SLIT3: variants seen among roughly 807,000 people sequenced by gnomAD.
SLIT3 encodes the protein slit homolog 3 protein.
SLIT3 carries 68 observed loss-of-function variants against 184.0 expected under a neutral mutation model. The ratio of observed to expected loss-of-function variants is 0.37; its 90% CI spans 0.30 to 0.45. The LOEUF is 0.45. SLIT3 is among the 20% of genes least tolerant of loss of function. The pLI, the probability that SLIT3 is intolerant of heterozygous loss-of-function variation, is 1.00. For missense variants in SLIT3, 1,707 were observed against 2,026.0 expected (o/e 0.84, Z 3.02); for synonymous variants, 831 against 828.6 (o/e 1.00, Z -0.05).
chr5:169,137,351 G>GAC (rs1761555747), intron 4 of SLIT3, among the ~76,000 whole-genome samples: 1 of 151,684 alleles, frequency 6.6e-6, no homozygotes, highest in African/African-American at 2.4e-5. Context: ...GAGAGAGAGA[G>GAC]AGAGAAACAG....
intron 4 of SLIT3, among the ~76,000 whole-genome samples, chr5:169,042,215 C>A (rs1581343510): frequency 6.6e-6 from 1 of 152,136 alleles, no homozygotes; most frequent in African/African-American, 2.4e-5. Context: ...TACCTTCATA[C>A]AGAAACACTT....
intron 1 of SLIT3, among the ~76,000 whole-genome samples, chr5:169,265,947 C>T (rs1379879798): frequency 6.6e-6 from 1 of 152,212 alleles, no homozygotes; most frequent in Non-Finnish European, 1.5e-5. Flanking sequence ...AGAGACAGTG[C>T]TTCCTTCCTG....
At chr5:168,877,876 T>A (rs1759793564) in intron 5 of SLIT3, among the ~76,000 whole-genome samples, 2 of 151,770 alleles carry the variant, frequency 1.3e-5, no homozygotes, top group African/African-American at 4.8e-5. Context: ...AAAAAAACAA[T>A]CCCTACTGGT....
intron 5 of SLIT3, among the ~76,000 whole-genome samples, chr5:168,851,055 G>GCACCT (rs1474950310): frequency 3.9e-5 from 6 of 152,174 alleles, no homozygotes; most frequent in African/African-American, 1.4e-4. Flanking sequence ...CAGGTGCAGC[G>GCACCT]GTTCACGCCT....
chr5:169,016,207 T>C (rs1486293820), intron 4 of SLIT3, among the ~76,000 whole-genome samples: 1 of 152,148 alleles, frequency 6.6e-6, no homozygotes, highest in East Asian at 1.9e-4. Context: ...TGTTGAGTGC[T>C]GAGTAAGAAA....
At chr5:169,137,011 C>T (rs1761527747) in intron 4 of SLIT3, among the ~76,000 whole-genome samples, 2 of 152,108 alleles carry the variant, frequency 1.3e-5, no homozygotes, top group African/African-American at 2.4e-5. Flanking sequence ...AGTGAGCCAC[C>T]ACACCTGGCC....
At chr5:168,890,577 A>G (rs1238408325) in intron 4 of SLIT3, among the ~76,000 whole-genome samples, 1 of 152,178 alleles carries the variant, frequency 6.6e-6, no homozygotes, top group African/African-American at 2.4e-5. Flanking sequence ...AATTGTGGTT[A>G]TGTTTTCTTT....
At chr5:168,716,154 T>G (rs954813855) in intron 23 of SLIT3, among the ~76,000 whole-genome samples, 20 of 152,052 alleles carry the variant, frequency 1.3e-4, no homozygotes, top group Admixed American at 6.6e-4. Flanking sequence ...TTTTTTAAAT[T>G]TTAGTAGAGA....
chr5:169,106,351 G>A (rs998205878), intron 4 of SLIT3, among the ~76,000 whole-genome samples: 1 of 152,152 alleles, frequency 6.6e-6, no homozygotes, highest in African/African-American at 2.4e-5. Flanking sequence ...CTGTTAAATA[G>A]TATGAGTGGC....
At chr5:169,125,003 T>C (rs986967537) in intron 4 of SLIT3, among the ~76,000 whole-genome samples, 1 of 152,144 alleles carries the variant, frequency 6.6e-6, no homozygotes, top group African/African-American at 2.4e-5. Flanking sequence ...CTGTTTTTAT[T>C]TTTTGTTTTT....
intron 4 of SLIT3, chr5:168,994,306 A>T (rs532046165): frequency 5.9e-5 from 9 of 152,176 alleles, no homozygotes; most frequent in Non-Finnish European, 1.3e-4. Flanking sequence ...TCTGGGGTTT[A>T]CTGAGAATCA....
In SLIT3 at chr5:168,806,463, C is replaced by T. The variant is rs147887398; in HGVS notation, c.918G>A (p.Pro306=). The change falls in exon 9 of 36, where the codon CCG becomes CCA. Residue 306 remains proline (P), a synonymous_variant. Transcript: ENST00000519560. ...GCACTTACATTTCGACGATGCCCTC[C>T]GGCAAGTTGGCAGGAATCTCCATCA... ...KGLMEIPANL[P]EGIVEIRLEQ... 6.6e-5 allele frequency: 106 copies of T among 1,614,188 alleles called. No homozygotes were observed. In the East Asian group the frequency reaches 6.7e-4, roughly 10 times the overall value.
In SLIT3 at chr5:169,152,257, T is replaced by C. The variant is rs181568170; in HGVS notation, c.413+41222A>G. 7.3e-3 allele frequency among the ~76,000 whole-genome samples: 1,113 copies of C among 152,240 alleles called. 12 individuals carry two copies. Among genetic ancestry groups the C allele is most frequent in the Middle Eastern group, 0.027 (8 of 294 alleles). ...GAGCAAATTCAACTATGTGCATTTC[T>C]CACAAAGAAGAAAGAGAAAGTCAAC... On this transcript the variant is annotated intron_variant, in intron 4 of 35. Coordinates refer to ENST00000519560, the MANE Select transcript of SLIT3 (RefSeq NM_003062.4).
At chr5:169,298,190 C>T (rs959783615) in intron 1 of SLIT3, among the ~76,000 whole-genome samples, 8 of 152,132 alleles carry the variant, frequency 5.3e-5, no homozygotes, top group Admixed American at 4.6e-4. Context: ...CACCCCCATG[C>T]ACCCTGGCCA....
intron 4 of SLIT3, among the ~76,000 whole-genome samples, chr5:169,179,432 G>A (rs1254292188): frequency 2.0e-5 from 3 of 152,138 alleles, no homozygotes; most frequent in African/African-American, 7.2e-5. Flanking sequence ...GCCTAGAGAT[G>A]AAGCCAACAC....
At chr5:169,007,512 T>C (rs772414553) in intron 4 of SLIT3, among the ~76,000 whole-genome samples, 2 of 152,224 alleles carry the variant, frequency 1.3e-5, no homozygotes, top group East Asian at 3.9e-4. Flanking sequence ...GTTGAAAGTG[T>C]CTAGGAATCT....
At chr5:168,947,138 TAC>T (rs141683153) in intron 4 of SLIT3, among the ~76,000 whole-genome samples, 2 of 151,998 alleles carry the variant, frequency 1.3e-5, no homozygotes, top group Admixed American at 6.6e-5. Context: ...AATTAGATCC[TAC>T]ACACACACAC....
chr5:168,866,521 C>T (rs978090658), intron 5 of SLIT3, among the ~76,000 whole-genome samples: 19 of 152,180 alleles, frequency 1.2e-4, no homozygotes, highest in South Asian at 4.1e-4. Flanking sequence ...GGCCAGATGC[C>T]GAACAGCACA....
At chr5:169,035,806 T>C (rs1339282287) in intron 4 of SLIT3, among the ~76,000 whole-genome samples, 1 of 152,186 alleles carries the variant, frequency 6.6e-6, no homozygotes, top group Non-Finnish European at 1.5e-5. Flanking sequence ...AAATCTGGAA[T>C]GAGAGGCTCC....
Sources: allele counts gnomAD v4.1 joint callset (sites outside exome capture counted in the v4.1 genomes callset), GRCh38; gene constraint gnomAD v4.1.1; transcripts MANE v1.5; gene names NCBI Gene and HGNC (gene_info 2026-07-23, HGNC 2026-07-21).